Variants in PAK5 observed in about 807,000 individuals in gnomAD.
The protein encoded by PAK5 is serine/threonine-protein kinase PAK 5.
A neutral mutation model predicts 65.9 loss-of-function variants in PAK5; 16 were observed. That is an observed-to-expected ratio of 0.24 (90% confidence interval 0.16 to 0.37). The LOEUF (loss-of-function observed/expected upper bound fraction) is 0.37, where lower values mean the gene tolerates loss of function less well. PAK5 is among the 10% of genes least tolerant of loss of function. The pLI, the probability that PAK5 is intolerant of heterozygous loss-of-function variation, is 1.00. For missense variants in PAK5, 785 were observed against 903.9 expected, an observed-to-expected ratio of 0.87 and a Z score of 1.69; for synonymous variants, 371 against 354.9, an observed-to-expected ratio of 1.05 and a Z score of -0.51.
chr20:9,553,282 G>A (rs905048429), intron 7 of PAK5, among the ~76,000 whole-genome samples: 1 of 152,184 alleles, frequency 6.6e-6, no homozygotes, highest in African/African-American at 2.4e-5. Flanking sequence ...TAGTTACCCG[G>A]TGAGTTACTA....
chr20:9,753,313 G>T (rs1384691219), intron 1 of PAK5, among the ~76,000 whole-genome samples: 3 of 151,972 alleles, frequency 2.0e-5, no homozygotes, highest in African/African-American at 7.2e-5. Context: ...ACTCAAGAAA[G>T]TTTGCATTTG....
At chr20:9,668,487 G>A (rs770757968) in intron 2 of PAK5, among the ~76,000 whole-genome samples, 4 of 152,172 alleles carry the variant, frequency 2.6e-5, no homozygotes, top group African/African-American at 9.7e-5. Flanking sequence ...TGAAGGCTGA[G>A]TCATCCACTC....
rs371352933 is a variant in PAK5 at position 9,617,667 on chromosome 20, C to T, written c.204+26458G>A. 8.6e-5 allele frequency among the ~76,000 whole-genome samples: 13 copies of T among 150,880 alleles called. 1 individual carries two copies. In the South Asian group the frequency reaches 1.5e-3, roughly 17 times the overall value. On this transcript the variant is annotated intron_variant, in intron 3 of 9. Coordinates refer to ENST00000353224, the MANE Select transcript of PAK5 (RefSeq NM_177990.4). ...ACCTCTTAGGTTCGCGCCATTCTTC[C>T]GCCTCAGCCTCCCGAGTAGCTGGGA...
At chr20:9,821,047 C>T (rs568320541) in intron 1 of PAK5, among the ~76,000 whole-genome samples, 2 of 152,220 alleles carry the variant, frequency 1.3e-5, no homozygotes, top group East Asian at 3.9e-4. Flanking sequence ...ACTCTAGAAC[C>T]CATGGTGCCC....
At chr20:9,831,015 A>G (rs1023507938) in intron 1 of PAK5, among the ~76,000 whole-genome samples, 14 of 152,198 alleles carry the variant, frequency 9.2e-5, no homozygotes, top group African/African-American at 3.4e-4. Context: ...TAGTGGGCCT[A>G]CTAATCAAGG....
intron 3 of PAK5, among the ~76,000 whole-genome samples, chr20:9,582,273 A>G (rs1001796400): frequency 3.3e-5 from 5 of 152,066 alleles, no homozygotes; most frequent in Admixed American, 3.3e-4. Flanking sequence ...TTTATTTGTT[A>G]TATCTTCCGA....
chr20:9,726,932 G>A (rs1430295764), intron 1 of PAK5, among the ~76,000 whole-genome samples: 2 of 152,180 alleles, frequency 1.3e-5, no homozygotes, highest in African/African-American at 4.8e-5. Flanking sequence ...AATAGTAAAA[G>A]TGGAAGTTAT....
chr20:9,824,254 T>G (rs188091464), intron 1 of PAK5, among the ~76,000 whole-genome samples: 1 of 152,186 alleles, frequency 6.6e-6, no homozygotes, highest in Non-Finnish European at 1.5e-5. Context: ...AGAAAGAATA[T>G]TAAATCTCCA....
chr20:9,637,274 T>TG, intron 3 of PAK5, among the ~76,000 whole-genome samples: 1 of 152,170 alleles, frequency 6.6e-6, no homozygotes, highest in Non-Finnish European at 1.5e-5. Flanking sequence ...CCCAGAGTGC[T>TG]GGATTACAGG....
chr20:9,831,424 GAAT>G (rs1322746997), intron 1 of PAK5, among the ~76,000 whole-genome samples: 1 of 152,216 alleles, frequency 6.6e-6, no homozygotes, highest in African/African-American at 2.4e-5. Flanking sequence ...TTACATAAAT[GAAT>G]AATTACAACC....
chr20:9,704,445 G>A (rs1210681537), intron 2 of PAK5, among the ~76,000 whole-genome samples: 2 of 152,214 alleles, frequency 1.3e-5, no homozygotes, highest in East Asian at 3.9e-4. Context: ...TTCCACTTAA[G>A]CCATTTCCCA....
chr20:9,581,203 A>G (rs538676541), intron 3 of PAK5, among the ~76,000 whole-genome samples: 3 of 152,320 alleles, frequency 2.0e-5, no homozygotes, highest in South Asian at 2.1e-4. Context: ...TACATAGAAT[A>G]TAACTGTTTT....
chr20:9,652,614 G>C (rs2047216573), intron 2 of PAK5, among the ~76,000 whole-genome samples: 1 of 152,120 alleles, frequency 6.6e-6, no homozygotes, highest in South Asian at 2.1e-4. Context: ...GATTATCCTT[G>C]TACCTGGTCC....
intron 1 of PAK5, among the ~76,000 whole-genome samples, chr20:9,734,651 C>G (rs2048369988): frequency 6.6e-6 from 1 of 152,054 alleles, no homozygotes; most frequent in African/African-American, 2.4e-5. Flanking sequence ...GTGAGAATTT[C>G]CCTGTAGCTA....
In PAK5 at chr20:9,838,579, A is replaced by G. The variant is rs1414566024; in HGVS notation, c.-162+183T>C. On this transcript the variant is annotated intron_variant, in intron 1 of 9. Transcript: ENST00000353224. The surrounding 1 kb of genome is among the most constrained non-coding windows in gnomAD (Gnocchi z 4.5). ...GGGCGGTCCCCTATCCCTACCCTCC[A>G]GGCAGCAGGTCCCTAGCCTTTGCAT... 2.6e-5 allele frequency among the ~76,000 whole-genome samples: 4 copies of G among 152,162 alleles called. No individual in the cohort carries two copies. Among genetic ancestry groups the G allele is most frequent in the Admixed American group, 6.5e-5 (1 of 15,282 alleles).
chr20:9,766,849 G>T (rs573477669), intron 1 of PAK5, among the ~76,000 whole-genome samples: 3 of 152,036 alleles, frequency 2.0e-5, no homozygotes, highest in East Asian at 1.9e-4. Flanking sequence ...GATGCATTCA[G>T]TTGTGAAAAC....
chr20:9,556,108 C>A (rs1184294237), intron 7 of PAK5, among the ~76,000 whole-genome samples: 7 of 152,184 alleles, frequency 4.6e-5, no homozygotes, highest in African/African-American at 1.7e-4. Context: ...TTTTAAGCCA[C>A]TAACTGTTGA....
chr20:9,573,372 A>C (rs1284721303), intron 4 of PAK5, among the ~76,000 whole-genome samples: 1 of 152,192 alleles, frequency 6.6e-6, no homozygotes, highest in African/African-American at 2.4e-5. Context: ...AATTATAAAT[A>C]ATTATAGCTA....
chr20:9,774,448 C>T (rs2048866225), intron 1 of PAK5, among the ~76,000 whole-genome samples: 1 of 152,086 alleles, frequency 6.6e-6, no homozygotes, highest in Non-Finnish European at 1.5e-5. Context: ...AATAGAACAA[C>T]CAATTTTTTA....
Sources: allele counts gnomAD v4.1 joint callset (sites outside exome capture counted in the v4.1 genomes callset), GRCh38; gene constraint gnomAD v4.1.1; non-coding constraint Gnocchi (gnomAD v3.1); transcripts MANE v1.5; gene names NCBI Gene and HGNC (gene_info 2026-07-23, HGNC 2026-07-21).